The following TRDN variants were observed in gnomAD, a reference collection of about 807,000 sequenced individuals.
The protein encoded by TRDN is triadin in skeletal muscle.
In TRDN, 161 loss-of-function variants were observed where a neutral mutation model predicts 149.7. That is an observed-to-expected ratio of 1.08 (90% CI 0.95 to 1.23). The LOEUF (loss-of-function observed/expected upper bound fraction) is 1.23. Among genes scored for constraint, TRDN ranks in the 50% most tolerant of loss-of-function variants. TRDN has a pLI of 0.00. For synonymous variants in TRDN, 294 were observed against 250.5 expected (o/e 1.17, Z -1.64); for missense variants, 896 against 823.5 (o/e 1.09, Z -1.08).
At chr6:123,491,102 C>A (rs1236014143) in intron 9 of TRDN, among the ~76,000 whole-genome samples, 5 of 95,712 alleles carry the variant, frequency 5.2e-5, no homozygotes, top group Admixed American at 2.0e-4. Flanking sequence ...GAGACTACAT[C>A]TCAAAAAAAA....
intron 20 of TRDN, among the ~76,000 whole-genome samples, chr6:123,365,818 G>T (rs1781076316): frequency 6.6e-6 from 1 of 152,078 alleles, no homozygotes; most frequent in Non-Finnish European, 1.5e-5. Context: ...ATCTCTTAAG[G>T]CAGTATGTTG....
intron 2 of TRDN, among the ~76,000 whole-genome samples, chr6:123,556,073 G>A (rs1302679346): frequency 6.6e-6 from 1 of 152,116 alleles, no homozygotes; most frequent in African/African-American, 2.4e-5. Flanking sequence ...TTCAGACTGA[G>A]TAATCAGATT....
chr6:123,398,553 T>C (rs886851036), intron 12 of TRDN, among the ~76,000 whole-genome samples: 7 of 152,218 alleles, frequency 4.6e-5, no homozygotes, highest in African/African-American at 1.7e-4. Flanking sequence ...TCTATTCTTA[T>C]AAAATCCAGT....
At chr6:123,407,329 A>G (rs1773235534) in intron 12 of TRDN, among the ~76,000 whole-genome samples, 1 of 152,304 alleles carries the variant, frequency 6.6e-6, no homozygotes, top group Non-Finnish European at 1.5e-5. Context: ...GCTCTTCCCC[A>G]TGCCCTTACT....
At chr6:123,293,501 TA>T (rs1227186786) in intron 24 of TRDN, among the ~76,000 whole-genome samples, 1 of 152,124 alleles carries the variant, frequency 6.6e-6, no homozygotes, top group African/African-American at 2.4e-5. Context: ...GGAGACCATA[TA>T]TGGTGCATTC....
chr6:123,253,845 C>G (rs886127806), intron 37 of TRDN, among the ~76,000 whole-genome samples: 1 of 152,086 alleles, frequency 6.6e-6, no homozygotes, highest in African/African-American at 2.4e-5. Context: ...CCCTTGGGGG[C>G]AAATTGGGAT....
chr6:123,457,402 T>G, intron 10 of TRDN: 1 of 333,388 alleles, frequency 3.0e-6, no homozygotes, highest in South Asian at 2.6e-5. Context: ...AAGTTAATTG[T>G]TTTCACAAAA....
chr6:123,456,350 G>A (rs983462721), intron 10 of TRDN, among the ~76,000 whole-genome samples: 6 of 152,210 alleles, frequency 3.9e-5, no homozygotes, highest in African/African-American at 7.2e-5. Context: ...AGATTTTACC[G>A]TCTCTTATGG....
chr6:123,237,672 AT>A (rs1324601674), intron 38 of TRDN, among the ~76,000 whole-genome samples: 1 of 152,088 alleles, frequency 6.6e-6, no homozygotes, highest in East Asian at 1.9e-4. Flanking sequence ...AAATGTGTTA[AT>A]TTTTTTCTTG....
At chr6:123,605,788 A>G (rs1784504519) in intron 1 of TRDN, among the ~76,000 whole-genome samples, 2 of 152,048 alleles carry the variant, frequency 1.3e-5, no homozygotes, top group African/African-American at 4.8e-5. Flanking sequence ...GCTTTTTAAT[A>G]ATAAAAGATT....
intron 10 of TRDN, among the ~76,000 whole-genome samples, chr6:123,453,913 GTA>G (rs1162420273): frequency 2.0e-5 from 3 of 151,666 alleles, no homozygotes; most frequent in Admixed American, 2.0e-4. Flanking sequence ...GTGTGTGTGT[GTA>G]TGTATATATA....
At position 123,594,124 on chromosome 6, in the gene TRDN, T is replaced by C. The variant is rs533053375; in HGVS notation, c.23-22992A>G. Reference sequence around the variant, plus strand: ...GCAAACACCATAGGTCAGTGAGGCATATGCCATCAACATATTTTAATGAAA... The same window carrying C: ...GCAAACACCATAGGTCAGTGAGGCACATGCCATCAACATATTTTAATGAAA... On this transcript the variant is annotated intron_variant, in intron 1 of 40. Coordinates refer to ENST00000334268, the MANE Select transcript of TRDN (RefSeq NM_006073.4). Among the ~76,000 whole-genome samples the C allele has an allele frequency of 1.2e-3, 186 of 152,292 alleles. 1 individual carries two copies. The highest frequency in any genetic ancestry group is 4.2e-3 in the African/African-American group (176 of 41,576).
At chr6:123,243,723 A>C (rs1280136981) in intron 38 of TRDN, among the ~76,000 whole-genome samples, 1 of 152,176 alleles carries the variant, frequency 6.6e-6, no homozygotes. Flanking sequence ...TCAGAACTTG[A>C]AAACAGGTCT....
rs184325684 is a variant in TRDN, at chr6:123,267,693, A to T, written c.1783+14T>A. 6.4e-7 allele frequency: 1 copy of T among 1,551,832 alleles called. No individual in the cohort carries two copies. Among genetic ancestry groups the T allele is most frequent in the Admixed American group, 1.9e-5 (1 of 52,400 alleles). On this transcript the variant is annotated intron_variant, in intron 32 of 40. Transcript: ENST00000334268. ...GAACATAAGACAGAATATAAACCAA[A>T]AATGGTAAAATACCTGTTTTTATAG...
At chr6:123,434,572 T>C (rs1461606444) in intron 12 of TRDN, among the ~76,000 whole-genome samples, 2 of 152,172 alleles carry the variant, frequency 1.3e-5, no homozygotes, top group African/African-American at 4.8e-5. Context: ...TCAATAACAT[T>C]GTAGGTACTC....
chr6:123,284,650 G>A (rs1317764669), intron 24 of TRDN, among the ~76,000 whole-genome samples: 1 of 151,986 alleles, frequency 6.6e-6, no homozygotes, highest in Non-Finnish European at 1.5e-5. Context: ...ACATAGTACT[G>A]GAAATTCTAG....
At chr6:123,297,393 G>A (rs979398859) in intron 24 of TRDN, among the ~76,000 whole-genome samples, 4 of 151,918 alleles carry the variant, frequency 2.6e-5, no homozygotes, top group African/African-American at 9.7e-5. Context: ...CACCATGATC[G>A]AGCATGAAAG....
chr6:123,587,917 G>A (rs1234434999), intron 1 of TRDN, among the ~76,000 whole-genome samples: 1 of 152,148 alleles, frequency 6.6e-6, no homozygotes, highest in Non-Finnish European at 1.5e-5. Context: ...GTGGTGGAAT[G>A]TTATCAGTTA....
chr6:123,373,337 C>A (rs942707378), intron 19 of TRDN, among the ~76,000 whole-genome samples: 4 of 152,182 alleles, frequency 2.6e-5, no homozygotes, highest in African/African-American at 9.6e-5. Flanking sequence ...TAAGATGTGA[C>A]TTGCTCCTCC....
Sources: allele counts gnomAD v4.1 joint callset (sites outside exome capture counted in the v4.1 genomes callset), GRCh38; gene constraint gnomAD v4.1.1; transcripts MANE v1.5; gene names NCBI Gene and HGNC (gene_info 2026-07-23, HGNC 2026-07-21).